OXNAD1: variants seen among roughly 807,000 people sequenced by gnomAD.
The protein encoded by OXNAD1 is oxidoreductase NAD binding domain containing 1.
Under a neutral mutation model 32.9 loss-of-function variants are expected in OXNAD1, and 34 were observed. The observed-to-expected ratio is 1.03, with a 90% confidence interval of 0.79 to 1.38. The LOEUF (loss-of-function observed/expected upper bound fraction) is 1.38. Ranked by LOEUF, OXNAD1 falls within the 40% of genes most tolerant of loss-of-function variation. The pLI, the probability that OXNAD1 is intolerant of heterozygous loss-of-function variation, is 0.00. For missense variants in OXNAD1, 407 were observed against 379.4 expected, an observed-to-expected ratio of 1.07 and a Z score of -0.60; for synonymous variants, 134 against 135.2, an observed-to-expected ratio of 0.99 and a Z score of 0.06.
chr3:16,321,999 A>G lies in OXNAD1; in HGVS notation c.*31-15113A>G, dbSNP rs761987851. Among the ~76,000 whole-genome samples, 17 of 152,188 alleles carry G rather than the reference A, an allele frequency of 1.1e-4. No individual in the cohort carries two copies. The highest frequency in any genetic ancestry group is 4.6e-4 in the Admixed American group (7 of 15,286). On this transcript the variant is annotated intron_variant, in intron 9 of 9. Transcript: ENST00000435829. This position sits in a 1 kb window ranked among gnomAD's most constrained non-coding sequence, Gnocchi z 4.8. ...GAACCTGTTAGGCAAAGGTGGCACC[A>G]TCTCCCTCTGTAAGGCTGCAGCGGG... is the stretch of plus-strand genomic sequence containing the variant.
chr3:16,323,785 C>A (rs574362790), intron 9 of OXNAD1, among the ~76,000 whole-genome samples: 8 of 152,198 alleles, frequency 5.3e-5, no homozygotes, highest in Non-Finnish European at 1.0e-4. Context: ...GGGGCAGGGG[C>A]CTTTTCCAAA....
chr3:16,338,024 T>C (rs904549630), downstream of OXNAD1, among the ~76,000 whole-genome samples: 3 of 152,088 alleles, frequency 2.0e-5, no homozygotes, highest in African/African-American at 7.3e-5. The surrounding 1 kb of genome is among the most constrained non-coding windows in gnomAD (Gnocchi z 5.3). Context: ...CTCGAGATGT[T>C]GCCCTGGCTT....
rs749577281 is a variant in OXNAD1, at chr3:16,303,522, A to G, written c.899A>G (p.His300Arg). The change falls in exon 9 of 9, where the codon CAT becomes CGT. Residue 300 changes from histidine to arginine, a missense_variant. Physicochemically the swap from His to Arg is conservative, Grantham distance 29 (BLOSUM62 0). Coordinates refer to ENST00000285083, the MANE Select transcript of OXNAD1 (RefSeq NM_138381.5). This position sits in a 1 kb window ranked among gnomAD's most constrained non-coding sequence, Gnocchi z 4.8. ...TTCTCCAAGCAACTGGAAAACAACC[A>G]TGTACCCAAAGAACACATTTGCTTT... ...DFFSKQLENN[H>R]VPKEHICFEK... 5.6e-6 allele frequency: 9 copies of G among 1,613,954 alleles called. No homozygotes were observed. The Admixed American group carries it at 1.2e-4, about 21-fold the overall frequency.
chr3:16,314,592 T>G lies in OXNAD1; in HGVS notation c.*30+11000T>G, dbSNP rs2068203987. ...TTAACACCCTCCACTGTAGACTGAT[T>G]TTTGCCAGAATCAGCAGGGTGTAGA... On this transcript the variant is annotated intron_variant, in intron 9 of 9. Coordinates refer to the OXNAD1 transcript ENST00000435829. The surrounding 1 kb of genome is among the most constrained non-coding windows in gnomAD (Gnocchi z 4.4). The G allele has an allele frequency of 6.6e-6, 1 of 152,172 alleles. No individual in the cohort carries two copies. Among genetic ancestry groups the G allele is most frequent in the Non-Finnish European group, 1.5e-5 (1 of 68,026 alleles). 9.4% of individuals were successfully genotyped at this position (152,172 alleles called of 1,614,324 possible).
chr3:16,347,623 C>T (rs2071819087), intron 9 of OXNAD1: 1 of 152,240 alleles, frequency 6.6e-6, no homozygotes, highest in Non-Finnish European at 1.5e-5. Context: ...CCTCTGTGTG[C>T]ACACTCACCT....
chr3:16,312,886 CT>C lies in OXNAD1; in HGVS notation c.*30+9299del, dbSNP rs1488859905. ...TGACAGGCATTTGACTAATGTTTAC[CT>C]TTTTGTTACTTATAAACCATTGATA... On this transcript the variant is annotated intron_variant, in intron 9 of 9. Transcript: ENST00000435829. The surrounding 1 kb of genome is among the most constrained non-coding windows in gnomAD (Gnocchi z 4.7). Among the ~76,000 whole-genome samples the C allele has an allele frequency of 2.0e-5, 3 of 152,058 alleles. No homozygotes were observed. The highest frequency in any genetic ancestry group is 7.2e-5 in the African/African-American group (3 of 41,380).
intron 9 of OXNAD1, among the ~76,000 whole-genome samples, chr3:16,326,351 G>T (rs550419113): frequency 4.1e-4 from 63 of 152,346 alleles, no homozygotes; most frequent in African/African-American, 1.3e-3. Flanking sequence ...TTCCTCAGCT[G>T]CAAAATGGGT....
chr3:16,303,239 C>T lies in OXNAD1; in HGVS notation c.785-169C>T, dbSNP rs951875750. Among the ~76,000 whole-genome samples, 3 of 152,138 alleles carry T rather than the reference C, an allele frequency of 2.0e-5. No homozygotes were observed. The highest frequency in any genetic ancestry group is 1.3e-4 in the Admixed American group (2 of 15,266). ...TTAGGAAGCCTGGAGATGCACTCTG[C>T]TTGGGTCTGGGCCCAGATGCCAATA... is the stretch of plus-strand genomic sequence containing the variant. On this transcript the variant is annotated intron_variant, in intron 8 of 8. Coordinates refer to ENST00000285083, the MANE Select transcript of OXNAD1 (RefSeq NM_138381.5). The surrounding 1 kb of genome is among the most constrained non-coding windows in gnomAD (Gnocchi z 4.8).
intron 1 of OXNAD1, among the ~76,000 whole-genome samples, chr3:16,268,463 G>A (rs1441808107): frequency 6.6e-6 from 1 of 151,226 alleles, no homozygotes; most frequent in Non-Finnish European, 1.5e-5. Flanking sequence ...CTTAGTAACT[G>A]GGATTATAGG....
rs1353062881 is a variant in OXNAD1, at chr3:16,314,717, A to G, written c.*30+11125A>G. 1.3e-5 allele frequency: 2 copies of G among 152,142 alleles called. No individual in the cohort carries two copies. The highest frequency in any genetic ancestry group is 2.4e-5 in the African/African-American group (1 of 41,446). 9.4% of individuals were successfully genotyped at this position (152,142 alleles called of 1,614,324 possible). ...AAATTATTGTCACCTTTTTTTCCCCATAGCAAATACAGCCAACATAAATGT... is the reference window on the plus strand; with the variant it reads ...AAATTATTGTCACCTTTTTTTCCCCGTAGCAAATACAGCCAACATAAATGT... On this transcript the variant is annotated intron_variant, in intron 9 of 9. Transcript: ENST00000435829. This position sits in a 1 kb window ranked among gnomAD's most constrained non-coding sequence, Gnocchi z 4.4.
chr3:16,275,573 AAAAAG>A (rs138915463), intron 4 of OXNAD1: 4,875 of 154,666 alleles, frequency 0.032, 107 homozygotes, highest in Middle Eastern at 0.11. Flanking sequence ...TGTCTCTTTA[AAAAAG>A]AAAAGAAAAG....
chr3:16,285,090 A>G (rs545879942), intron 4 of OXNAD1, among the ~76,000 whole-genome samples: 1 of 152,328 alleles, frequency 6.6e-6, no homozygotes, highest in South Asian at 2.1e-4. Context: ...GAGAGGAGCA[A>G]GAGAGGGTTG....
intron 1 of OXNAD1, among the ~76,000 whole-genome samples, chr3:16,268,313 CTTTTTTTTTTTTTTTTTTTTTTT>C (rs531751365): frequency 6.6e-5 from 4 of 60,926 alleles, no homozygotes; most frequent in Non-Finnish European, 1.3e-4. Context: ...AAGAGAACTC[CTTTTTTTTTTTTTTTTTTTTTTT>C]TTTTTTTTTT....
downstream of OXNAD1, among the ~76,000 whole-genome samples, chr3:16,309,815 TA>T (rs1559783384): frequency 6.6e-6 from 1 of 152,248 alleles, no homozygotes; most frequent in Non-Finnish European, 1.5e-5. Flanking sequence ...TGGGTAGGAC[TA>T]TGCAATTTAA....
chr3:16,312,103 C>G lies in OXNAD1; in HGVS notation c.*30+8511C>G, dbSNP rs1321029412. Among the ~76,000 whole-genome samples, 1 of 152,198 alleles carries G rather than the reference C, an allele frequency of 6.6e-6. No individual in the cohort carries two copies. Among genetic ancestry groups the G allele is most frequent in the African/African-American group, 2.4e-5 (1 of 41,440 alleles). On this transcript the variant is annotated intron_variant, in intron 9 of 9. Transcript: ENST00000435829. This position sits in a 1 kb window ranked among gnomAD's most constrained non-coding sequence, Gnocchi z 4.7. ...TTCATCTGCAGCCAGGGTTCATTTT[C>G]TTAGTCTAGCCACTGAAACGATTGT...
In OXNAD1 at chr3:16,298,752, G is replaced by A. The variant is rs772763810; in HGVS notation, c.433-2874G>A. Reference sequence around the variant, plus strand: ...TTGGCAGGGTAAAGGGTTCTAGACAGCTATTGTGTGCTCAGCTCCAGTTGC... The same window carrying A: ...TTGGCAGGGTAAAGGGTTCTAGACAACTATTGTGTGCTCAGCTCCAGTTGC... On this transcript the variant is annotated intron_variant, in intron 6 of 8. Coordinates refer to ENST00000285083, the MANE Select transcript of OXNAD1 (RefSeq NM_138381.5). This position sits in a 1 kb window ranked among gnomAD's most constrained non-coding sequence, Gnocchi z 5.1. Among the ~76,000 whole-genome samples the A allele has an allele frequency of 3.3e-5, 5 of 152,160 alleles. No individual in the cohort carries two copies. The highest frequency in any genetic ancestry group is 5.9e-5 in the Non-Finnish European group (4 of 68,034).
At chr3:16,332,125 A>G (rs2070378733) in intron 9 of OXNAD1, among the ~76,000 whole-genome samples, 1 of 152,032 alleles carries the variant, frequency 6.6e-6, no homozygotes, top group African/African-American at 2.4e-5. Flanking sequence ...TGTTCACCTG[A>G]TGGCCTTGCA....
At position 16,317,956 on chromosome 3, in the gene OXNAD1, T is replaced by G. The variant is rs1380094826; in HGVS notation, c.*30+14364T>G. ...TGCATCACAGCCCAAATTCTCCCTC[T>G]GCCCGCTACTGTACCGACAAGTGTT... is the stretch of plus-strand genomic sequence containing the variant. On this transcript the variant is annotated intron_variant, in intron 9 of 9. Transcript: ENST00000435829. This position sits in a 1 kb window ranked among gnomAD's most constrained non-coding sequence, Gnocchi z 4.3. 1.3e-5 allele frequency among the ~76,000 whole-genome samples: 2 copies of G among 152,196 alleles called. No individual in the cohort carries two copies. Among genetic ancestry groups the G allele is most frequent in the Admixed American group, 1.3e-4 (2 of 15,282 alleles).
At position 16,294,950 on chromosome 3, in the gene OXNAD1, G is replaced by T; in HGVS notation, c.385G>T (p.Ala129Ser). Residue 129 changes from alanine to serine, a missense_variant, in exon 6 of 9, where the codon GCA becomes TCA. Ala to Ser is a moderately conservative substitution (Grantham distance 99). Transcript: ENST00000285083. ...LLEQERVIELAVKYTNHPPAL... is the reference protein window; with the variant it reads ...LLEQERVIELSVKYTNHPPAL... ...AGAACAAGAGAGAGTGATAGAATTG[G>T]CAGTGAAATATACGAACCACCCTCC... 1 of 1,612,896 alleles carries T rather than the reference G, an allele frequency of 6.2e-7. No homozygotes were observed. Among genetic ancestry groups the T allele is most frequent in the Non-Finnish European group, 8.5e-7 (1 of 1,179,464 alleles).
Sources: gnomAD v4.1 joint callset for allele counts (sites outside exome capture counted in the v4.1 genomes callset) on GRCh38, gnomAD v4.1.1 for gene constraint, Gnocchi (gnomAD v3.1) non-coding constraint, MANE v1.5 for transcripts, NCBI Gene and HGNC (gene_info 2026-07-23, HGNC 2026-07-21) for gene names.